The following EYA4 variants were observed in gnomAD, a reference collection of about 807,000 sequenced individuals.
The protein encoded by EYA4 is protein phosphatase EYA4.
EYA4 carries 31 observed loss-of-function variants against 87.9 expected under a neutral mutation model. The observed-to-expected ratio is 0.35, with a 90% CI of 0.27 to 0.48. EYA4 has a LOEUF of 0.48. EYA4 is among the 20% of genes least tolerant of loss of function. The pLI is 0.99. For synonymous variants in EYA4, 263 were observed against 270.6 expected, an observed-to-expected ratio of 0.97 and a Z score of 0.28; for missense variants, 678 against 761.4, an observed-to-expected ratio of 0.89 and a Z score of 1.29.
chr6:133,466,404 G>A (rs1041779554), intron 10 of EYA4, among the ~76,000 whole-genome samples: 1 of 152,018 alleles, frequency 6.6e-6, no homozygotes, highest in Admixed American at 6.6e-5. Flanking sequence ...TGTTGTTTTG[G>A]CTCATACCTA....
intron 1 of EYA4, among the ~76,000 whole-genome samples, chr6:133,256,301 G>C (rs546089804): frequency 6.6e-6 from 1 of 151,718 alleles, no homozygotes; most frequent in Admixed American, 6.6e-5. Context: ...AAGCCCAAAT[G>C]TTAGGAAGAA....
intron 2 of EYA4, among the ~76,000 whole-genome samples, chr6:133,350,492 G>A (rs1783558830): frequency 2.0e-5 from 3 of 152,040 alleles, no homozygotes; most frequent in South Asian, 2.1e-4. Context: ...AAAGGCAACC[G>A]TTCAAATATG....
At chr6:133,294,203 A>G (rs964240288) in intron 2 of EYA4, among the ~76,000 whole-genome samples, 1 of 150,580 alleles carries the variant, frequency 6.6e-6, no homozygotes. Context: ...AACTATTCAC[A>G]GGTAGGCTAC....
intron 2 of EYA4, among the ~76,000 whole-genome samples, chr6:133,308,493 G>A (rs540015525): frequency 6.6e-6 from 1 of 152,280 alleles, no homozygotes; most frequent in Admixed American, 6.5e-5. Context: ...ACTCACTCAG[G>A]TAGTAGGCAT....
chr6:133,520,987 G>A (rs1800070041), intron 17 of EYA4, among the ~76,000 whole-genome samples: 1 of 151,554 alleles, frequency 6.6e-6, no homozygotes, highest in South Asian at 2.1e-4. Context: ...AGACTTAAAT[G>A]TTAGACCTAA....
At chr6:133,447,473 CTG>C (rs2128624643) in intron 4 of EYA4, among the ~76,000 whole-genome samples, 1 of 152,160 alleles carries the variant, frequency 6.6e-6, no homozygotes, top group Non-Finnish European at 1.5e-5. Flanking sequence ...TATATATAGA[CTG>C]TATTTTAAAT....
intron 13 of EYA4, among the ~76,000 whole-genome samples, chr6:133,490,383 T>TAAAAAAAAA (rs1292714044): frequency 7.2e-6 from 1 of 138,362 alleles, no homozygotes; most frequent in African/African-American, 3.0e-5. Context: ...CTGAATAGAT[T>TAAAAAAAAA]AAAAAAAAAC....
intron 2 of EYA4, among the ~76,000 whole-genome samples, chr6:133,275,186 G>A (rs115757831): frequency 0.025 from 3,834 of 152,204 alleles, 128 homozygotes; most frequent in African/African-American, 0.081. Flanking sequence ...TATATTATTA[G>A]CATGCTTGTT....
At chr6:133,364,936 C>A (rs144539593) in intron 2 of EYA4, among the ~76,000 whole-genome samples, 4 of 152,226 alleles carry the variant, frequency 2.6e-5, no homozygotes, top group African/African-American at 9.6e-5. Context: ...CTCTTTTTGT[C>A]CTTTCTTGGT....
At chr6:133,514,473 C>G (rs1799423063) in intron 16 of EYA4, among the ~76,000 whole-genome samples, 1 of 152,184 alleles carries the variant, frequency 6.6e-6, no homozygotes, top group African/African-American at 2.4e-5. Flanking sequence ...AACCACGAGT[C>G]TACTTTCTGT....
chr6:133,469,495 G>A (rs535502675), intron 11 of EYA4, among the ~76,000 whole-genome samples: 1 of 152,080 alleles, frequency 6.6e-6, no homozygotes, highest in South Asian at 2.1e-4. Context: ...CAAAAGGATA[G>A]ACACATAGAG....
intron 6 of EYA4, among the ~76,000 whole-genome samples, chr6:133,458,823 A>T (rs1794131957): frequency 6.6e-6 from 1 of 152,170 alleles, no homozygotes; most frequent in South Asian, 2.1e-4. Flanking sequence ...ACCATCAGAG[A>T]AACTGACAAT....
At chr6:133,432,834 A>G (rs1283216879) in intron 3 of EYA4, among the ~76,000 whole-genome samples, 5 of 152,150 alleles carry the variant, frequency 3.3e-5, no homozygotes, top group African/African-American at 1.2e-4. Context: ...CCTCATAAAG[A>G]TACAGAATGT....
In EYA4 at chr6:133,322,006, A is replaced by G. The variant is rs77564299; in HGVS notation, c.33+47193A>G. Among the ~76,000 whole-genome samples, 971 of 152,292 alleles carry G rather than the reference A, an allele frequency of 6.4e-3. 5 individuals are homozygous for G. The highest frequency in any genetic ancestry group is 0.011 in the Non-Finnish European group (723 of 68,024). On this transcript the variant is annotated intron_variant, in intron 2 of 19. Transcript: ENST00000355286. ...TTTAAAAGATATCAGTTACAGCCCT[A>G]TGACTTTGTATATTTTCAGATTGTG...
In EYA4 at chr6:133,468,714, G is replaced by T. The variant is rs1472030275; in HGVS notation, c.953G>T (p.Gly318Val). ...TATCAGTTGCAGGAATCTCTCCCAGGACTGACTAACCAACCAGGTACAGAT... is the reference window on the plus strand; with the variant it reads ...TATCAGTTGCAGGAATCTCTCCCAGTACTGACTAACCAACCAGGTACAGAT... ...STYQLQESLP[G>V]LTNQPGEFDT... is the part of the protein sequence containing the mutation. The change falls in exon 11 of 20, where the codon GGA becomes GTA. Residue 318 changes from glycine to valine, a missense_variant. Coordinates refer to ENST00000355286, the MANE Select transcript of EYA4 (RefSeq NM_004100.5). 1 of 1,612,850 alleles carries T rather than the reference G, an allele frequency of 6.2e-7. No homozygotes were observed. Among genetic ancestry groups the T allele is most frequent in the South Asian group, 1.1e-5 (1 of 91,064 alleles).
chr6:133,304,219 T>C (rs1779635131), intron 2 of EYA4, among the ~76,000 whole-genome samples: 1 of 152,186 alleles, frequency 6.6e-6, no homozygotes, highest in Admixed American at 6.6e-5. Flanking sequence ...AGTATTATTT[T>C]AGATTCTGGG....
At chr6:133,406,571 C>G (rs963661166) in intron 3 of EYA4, among the ~76,000 whole-genome samples, 3 of 152,190 alleles carry the variant, frequency 2.0e-5, no homozygotes, top group African/African-American at 7.2e-5. Flanking sequence ...TAAAAATGTT[C>G]TAAGATTTGT....
intron 2 of EYA4, among the ~76,000 whole-genome samples, chr6:133,303,601 C>T (rs1446138650): frequency 6.6e-6 from 1 of 152,122 alleles, no homozygotes; most frequent in Non-Finnish European, 1.5e-5. Context: ...ATTTTGAATA[C>T]TGATACACAG....
At chr6:133,479,329 C>G (rs148639493) in intron 11 of EYA4, among the ~76,000 whole-genome samples, 4 of 152,270 alleles carry the variant, frequency 2.6e-5, no homozygotes, top group Admixed American at 6.5e-5. Flanking sequence ...ACTCTGCTAT[C>G]TACTCTCACC....
Sources: allele counts gnomAD v4.1 joint callset (sites outside exome capture counted in the v4.1 genomes callset), GRCh38; gene constraint gnomAD v4.1.1; transcripts MANE v1.5; gene names NCBI Gene and HGNC (gene_info 2026-07-23, HGNC 2026-07-21).